ZNF581: variants seen among roughly 807,000 people sequenced by gnomAD.
ZNF581 encodes the protein zinc finger protein 581.
Under a neutral mutation model 1.2 loss-of-function variants are expected in ZNF581, and 1 was observed. The ratio of observed to expected loss-of-function variants is 0.83; its 90% CI spans 0.30 to 3.95. ZNF581 has a LOEUF of 3.95. Ranked by LOEUF, ZNF581 falls within the 30% of genes most tolerant of loss-of-function variation. The probability of loss-of-function intolerance (pLI) is 0.18; values close to 1 mark genes in which losing one functional copy is unlikely to be tolerated. For missense variants in ZNF581, 273 were observed against 274.6 expected, an observed-to-expected ratio of 0.99 and a Z score of 0.04; for synonymous variants, 105 against 109.2, an observed-to-expected ratio of 0.96 and a Z score of 0.24.
At chr19:55,642,459 G>C (rs1222963267), upstream of ZNF581, 2 of 1,398,302 alleles carry the variant, frequency 1.4e-6, no homozygotes, top group Non-Finnish European at 1.9e-6. Context: ...CTAAAAGGAA[G>C]TGGCAATTTT....
upstream of ZNF581, chr19:55,642,523 G>C: frequency 7.0e-7 from 1 of 1,436,550 alleles, no homozygotes; most frequent in African/African-American, 1.5e-5. Flanking sequence ...TGCTGCTGCC[G>C]CCGCGGCCAC....
upstream of ZNF581, chr19:55,641,925 A>C: frequency 4.5e-6 from 2 of 443,478 alleles, no homozygotes; most frequent in Non-Finnish European, 3.0e-6. Context: ...GGAGGTACCT[A>C]GAGAGGAAGT....
chr19:55,642,432 AT>A, upstream of ZNF581: 1 of 1,397,108 alleles, frequency 7.2e-7, no homozygotes, highest in Non-Finnish European at 9.3e-7. Context: ...GATGCTTTCC[AT>A]TTTAGGAAAC....
upstream of ZNF581, chr19:55,642,353 A>T: frequency 7.9e-7 from 1 of 1,270,904 alleles, no homozygotes; most frequent in Non-Finnish European, 9.9e-7. Flanking sequence ...GCCGGGCTGG[A>T]GTCACAGTTT....
upstream of ZNF581, chr19:55,642,720 A>G: frequency 6.6e-7 from 1 of 1,508,488 alleles, no homozygotes; most frequent in African/African-American, 1.4e-5. Flanking sequence ...CAGCTGGAGG[A>G]GGAGCCCCGG....
upstream of ZNF581, chr19:55,640,418 T>C (rs920019357): frequency 7.1e-6 from 7 of 985,496 alleles, no homozygotes; most frequent in Admixed American, 2.5e-4. Flanking sequence ...TGGCCTTCGC[T>C]GCGCTTCGGT....
At chr19:55,642,590 C>G, upstream of ZNF581, 7 of 1,452,212 alleles carry the variant, frequency 4.8e-6, no homozygotes, top group Non-Finnish European at 6.3e-6. Context: ...CAAGGCTCCC[C>G]CTTTCCCCAA....
chr19:55,644,665 G>C lies in ZNF581; in HGVS notation c.94G>C (p.Glu32Gln), dbSNP rs1982743319. ...GPPRRTCRSP[E>Q]PGPSSSIGSP... Reference sequence around the variant, plus strand: ...TCCCCGTCGGACTTGCCGCTCCCCAGAACCTGGACCTTCCTCCTCCATCGG... The same window carrying C: ...TCCCCGTCGGACTTGCCGCTCCCCACAACCTGGACCTTCCTCCTCCATCGG... Residue 32 changes from glutamate (E) to glutamine (Q), a missense_variant, in exon 2 of 2, where the codon GAA becomes CAA. Physicochemically the swap from Glu to Gln is conservative, Grantham distance 29 (BLOSUM62 2). Coordinates refer to ENST00000270451, the MANE Select transcript of ZNF581 (RefSeq NM_016535.4). The surrounding 1 kb of genome is among the most constrained non-coding windows in gnomAD (Gnocchi z 4.3). 2 of 1,612,686 alleles carry C rather than the reference G, an allele frequency of 1.2e-6. No individual in the cohort carries two copies. The highest frequency in any genetic ancestry group is 1.7e-5 in the Admixed American group (1 of 59,808).
upstream of ZNF581, chr19:55,640,795 C>T (rs982389351): frequency 3.0e-6 from 3 of 985,406 alleles, no homozygotes; most frequent in African/African-American, 5.2e-5. Context: ...TTTGCTTAGT[C>T]TCGGTTTATT....
chr19:55,644,539 C>T lies in ZNF581; in HGVS notation c.-19-14C>T, dbSNP rs1208150014. 2.0e-6 allele frequency: 3 copies of T among 1,497,954 alleles called. No homozygotes were observed. The highest frequency in any genetic ancestry group is 1.3e-5 in the South Asian group (1 of 78,558). The allele number at this position is 1,497,954 out of a possible 1,614,324, so 92.8% of individuals were successfully genotyped here. On this transcript the variant is annotated splice_polypyrimidine_tract_variant and intron_variant, in intron 1 of 1. Transcript: ENST00000270451. The surrounding 1 kb of genome is among the most constrained non-coding windows in gnomAD (Gnocchi z 4.3). ...CTTCTATATAACCTTCTTATCCCATCTCCCATCCACCAGGCCTCAGCCAGC... is the reference window on the plus strand; with the variant it reads ...CTTCTATATAACCTTCTTATCCCATTTCCCATCCACCAGGCCTCAGCCAGC...
chr19:55,641,023 C>G, upstream of ZNF581: 1 of 985,334 alleles, frequency 1.0e-6, no homozygotes, highest in Non-Finnish European at 1.2e-6. Context: ...GGGACTCCGC[C>G]AACCCCTCGC....
upstream of ZNF581, chr19:55,641,087 G>C: frequency 1.0e-6 from 1 of 985,254 alleles, no homozygotes; most frequent in Non-Finnish European, 1.2e-6. Flanking sequence ...GGAGCTGCCC[G>C]GAAGTCTCGG....
chr19:55,639,713 T>C (rs571969955), upstream of ZNF581, among the ~76,000 whole-genome samples: 1 of 152,168 alleles, frequency 6.6e-6, no homozygotes, highest in South Asian at 2.1e-4. Flanking sequence ...ACCTCCTGGG[T>C]TCAAGCGATT....
chr19:55,642,048 G>T (rs1208417431), upstream of ZNF581: 25 of 986,122 alleles, frequency 2.5e-5, no homozygotes, highest in Non-Finnish European at 2.9e-5. Context: ...CAAAGGGAGG[G>T]GAAGTAAACT....
At chr19:55,643,232 C>T, upstream of ZNF581, 2 of 905,124 alleles carry the variant, frequency 2.2e-6, no homozygotes, top group Non-Finnish European at 1.5e-6. Flanking sequence ...AAAGTCGTTG[C>T]CCCTCCCTGG....
chr19:55,640,336 G>A, upstream of ZNF581: 5 of 985,136 alleles, frequency 5.1e-6, no homozygotes, highest in Non-Finnish European at 6.0e-6. Flanking sequence ...CGCAGCCCGC[G>A]AGCCCGCATC....
upstream of ZNF581, chr19:55,642,658 G>C (rs764344260): frequency 3.5e-6 from 5 of 1,425,124 alleles, no homozygotes; most frequent in African/African-American, 1.5e-5. Context: ...CCCCGCGGCT[G>C]GGCCGCCACC....
chr19:55,639,589 G>A (rs907401153), upstream of ZNF581, among the ~76,000 whole-genome samples: 3 of 152,204 alleles, frequency 2.0e-5, no homozygotes, highest in Admixed American at 2.0e-4. Flanking sequence ...CCATAAGGTA[G>A]GAGCCATATG....
At chr19:55,643,228 G>C (rs1982644695), upstream of ZNF581, 4 of 944,104 alleles carry the variant, frequency 4.2e-6, no homozygotes, top group African/African-American at 1.7e-5. Flanking sequence ...GACCAAAGTC[G>C]TTGCCCCTCC....
Sources: gnomAD v4.1 joint callset for allele counts (sites outside exome capture counted in the v4.1 genomes callset) on GRCh38, gnomAD v4.1.1 for gene constraint, Gnocchi (gnomAD v3.1) non-coding constraint, MANE v1.5 for transcripts, NCBI Gene and HGNC (gene_info 2026-07-23, HGNC 2026-07-21) for gene names.